The following ST18 variants were observed in gnomAD, a reference collection of about 807,000 sequenced individuals.
The protein encoded by ST18 is suppression of tumorigenicity 18 protein.
ST18 carries 50 observed loss-of-function variants against 110.0 expected under a neutral mutation model. The ratio of observed to expected loss-of-function variants is 0.45; its 90% CI spans 0.36 to 0.58. The LOEUF (loss-of-function observed/expected upper bound fraction) is 0.58. Among genes scored for constraint, ST18 ranks in the 20% least tolerant of loss-of-function variants. The pLI, the probability that ST18 is intolerant of heterozygous loss-of-function variation, is 0.00. For synonymous variants in ST18, 461 were observed against 452.4 expected, an observed-to-expected ratio of 1.02 and a Z score of -0.24; for missense variants, 1,306 against 1,280.1, an observed-to-expected ratio of 1.02 and a Z score of -0.31.
chr8:52,212,561 T>C (rs1038038206), intron 7 of ST18, among the ~76,000 whole-genome samples: 4 of 152,202 alleles, frequency 2.6e-5, no homozygotes, highest in African/African-American at 7.2e-5. Flanking sequence ...TTCCTCCATA[T>C]AGAAAGGGGA....
At chr8:52,227,097 A>G (rs2089729438) in intron 3 of ST18, among the ~76,000 whole-genome samples, 1 of 152,202 alleles carries the variant, frequency 6.6e-6, no homozygotes, top group Admixed American at 6.5e-5. Context: ...AAATGACATG[A>G]CTCAATTGTG....
intron 2 of ST18, among the ~76,000 whole-genome samples, chr8:52,289,314 G>C (rs1417449181): frequency 6.6e-6 from 1 of 152,132 alleles, no homozygotes; most frequent in Non-Finnish European, 1.5e-5. Flanking sequence ...CAAAATATTA[G>C]TCAGGGGTGG....
chr8:52,371,054 T>A (rs975995208), intron 2 of ST18, among the ~76,000 whole-genome samples: 4 of 152,164 alleles, frequency 2.6e-5, no homozygotes, highest in Non-Finnish European at 5.9e-5. Context: ...GTATATAAAC[T>A]CATGAATCCT....
intron 8 of ST18, 137 bp downstream of exon 8, chr8:52,211,942 C>T (rs566160514): frequency 8.5e-6 from 7 of 827,626 alleles, no homozygotes; most frequent in East Asian, 2.5e-5. Context: ...TTGGTGCATA[C>T]ACAACGTCTG....
intron 2 of ST18, among the ~76,000 whole-genome samples, chr8:52,377,382 T>C (rs1156646267): frequency 6.6e-6 from 1 of 152,172 alleles, no homozygotes; most frequent in Non-Finnish European, 1.5e-5. Context: ...TTAGTTACTG[T>C]TCTATAAGTT....
intron 14 of ST18, among the ~76,000 whole-genome samples, chr8:52,160,235 T>C (rs577017696): frequency 6.6e-6 from 1 of 152,334 alleles, no homozygotes; most frequent in South Asian, 2.1e-4. Flanking sequence ...GATAGATAGA[T>C]ATAAAACTGT....
chr8:52,333,590 A>T (rs1810630419), intron 2 of ST18, among the ~76,000 whole-genome samples: 1 of 152,230 alleles, frequency 6.6e-6, no homozygotes. Context: ...GGGAAAGAAA[A>T]CTGGGGTGGG....
intron 5 of ST18, among the ~76,000 whole-genome samples, chr8:52,219,972 A>G (rs1368319024): frequency 2.0e-5 from 3 of 152,202 alleles, no homozygotes; most frequent in African/African-American, 7.2e-5. Context: ...ACTCCAGCAA[A>G]TAGTCCTATT....
At chr8:52,115,829 C>T (rs1009036785) in intron 25 of ST18, among the ~76,000 whole-genome samples, 2 of 151,948 alleles carry the variant, frequency 1.3e-5, no homozygotes, top group African/African-American at 2.4e-5. Flanking sequence ...AACTGAAGTA[C>T]GTTCTTCATA....
intron 2 of ST18, among the ~76,000 whole-genome samples, chr8:52,312,082 T>G (rs1162461283): frequency 6.6e-6 from 1 of 152,190 alleles, no homozygotes; most frequent in Admixed American, 6.5e-5. Context: ...TATTATTCCA[T>G]GTTTATTATT....
chr8:52,214,739 C>T (rs969379062), intron 6 of ST18, among the ~76,000 whole-genome samples: 1 of 152,108 alleles, frequency 6.6e-6, no homozygotes, highest in African/African-American at 2.4e-5. Flanking sequence ...CCCTCAAATG[C>T]CCCCAGAAAA....
chr8:52,380,958 C>G (rs1302912810), intron 2 of ST18, among the ~76,000 whole-genome samples: 2 of 152,112 alleles, frequency 1.3e-5, no homozygotes, highest in Non-Finnish European at 2.9e-5. Context: ...CAGGCAGGGC[C>G]CCTCTCAACA....
At chr8:52,366,429 T>C (rs1033323450) in intron 2 of ST18, among the ~76,000 whole-genome samples, 1 of 152,212 alleles carries the variant, frequency 6.6e-6, no homozygotes, top group Non-Finnish European at 1.5e-5. Flanking sequence ...ATCTGGCCCC[T>C]GTCTGTCTTT....
chr8:52,214,311 T>C, intron 6 of ST18, 54 bp from the exon 7 acceptor site: 1 of 1,578,156 alleles, frequency 6.3e-7, no homozygotes, highest in Admixed American at 1.7e-5. Flanking sequence ...GACCAAAATA[T>C]GAAAACATGT....
rs188620892 is a variant in ST18 at position 52,292,769 on chromosome 8, C to A, written c.-464-62692G>T. ...TAAATGATGGGACTCATCTATGAAA[C>A]CTCATTCCACAAGCAAACACACACA... is the stretch of plus-strand genomic sequence containing the variant. On this transcript the variant is annotated intron_variant, in intron 2 of 25. Transcript: ENST00000689386. 2.8e-4 allele frequency among the ~76,000 whole-genome samples: 43 copies of A among 152,240 alleles called. 1 individual carries two copies. In the East Asian group the frequency reaches 6.9e-3, roughly 25 times the overall value.
intron 2 of ST18, among the ~76,000 whole-genome samples, chr8:52,379,249 G>A (rs955212286): frequency 2.0e-5 from 3 of 151,456 alleles, no homozygotes; most frequent in African/African-American, 4.9e-5. Context: ...AGGTGTGCAC[G>A]GTTACGCCCA....
chr8:52,113,490 G>A (rs1586011829), intron 25 of ST18, 152 bp from the exon 26 acceptor site: 3 of 776,120 alleles, frequency 3.9e-6, no homozygotes, highest in Non-Finnish European at 6.3e-6. Flanking sequence ...GGAGAGAGAC[G>A]GAGTGTGTGT....
intron 2 of ST18, among the ~76,000 whole-genome samples, chr8:52,312,169 T>C (rs2095929341): frequency 6.6e-6 from 1 of 152,160 alleles, no homozygotes; most frequent in Non-Finnish European, 1.5e-5. Flanking sequence ...GGCCTGGACA[T>C]CTTTCTCCCT....
intron 2 of ST18, among the ~76,000 whole-genome samples, chr8:52,240,639 C>T (rs961331373): frequency 6.6e-6 from 1 of 152,262 alleles, no homozygotes; most frequent in Middle Eastern, 3.4e-3. Context: ...CATAGAAACA[C>T]ATTTCTTCTT....
Sources: gnomAD v4.1 joint callset for allele counts (sites outside exome capture counted in the v4.1 genomes callset) on GRCh38, gnomAD v4.1.1 for gene constraint, MANE v1.5 for transcripts, NCBI Gene and HGNC (gene_info 2026-07-23, HGNC 2026-07-21) for gene names.